Variants in CDH13 observed in about 807,000 individuals in gnomAD.
The protein encoded by CDH13 is cadherin 13.
In CDH13, 24 loss-of-function variants were observed where a neutral mutation model predicts 63.8. That is an observed-to-expected ratio of 0.38 (90% confidence interval 0.27 to 0.53). The LOEUF (loss-of-function observed/expected upper bound fraction) is 0.53, where lower values mean the gene tolerates loss of function less well. Among genes scored for constraint, CDH13 ranks in the 20% least tolerant of loss-of-function variants. CDH13 has a pLI of 0.85. For missense variants in CDH13, 1,049 were observed against 903.1 expected, an observed-to-expected ratio of 1.16 and a Z score of -2.07; for synonymous variants, 503 against 355.3, an observed-to-expected ratio of 1.42 and a Z score of -4.67.
chr16:83,506,426 A>C (rs985391359), intron 7 of CDH13, among the ~76,000 whole-genome samples: 2 of 152,168 alleles, frequency 1.3e-5, no homozygotes, highest in Non-Finnish European at 2.9e-5. Flanking sequence ...TCCTTTATGT[A>C]ACCTCCTTGA....
At chr16:82,748,421 A>T (rs952275356) in intron 1 of CDH13, among the ~76,000 whole-genome samples, 2 of 152,218 alleles carry the variant, frequency 1.3e-5, no homozygotes, top group African/African-American at 2.4e-5. Context: ...TTGACAGTCA[A>T]GATGGGCTAT....
intron 2 of CDH13, among the ~76,000 whole-genome samples, chr16:82,911,352 T>A (rs2151264297): frequency 6.6e-6 from 1 of 152,266 alleles, no homozygotes; most frequent in South Asian, 2.1e-4. Flanking sequence ...GCACTTCCTT[T>A]TCATCATGCC....
intron 1 of CDH13, among the ~76,000 whole-genome samples, chr16:82,856,914 A>T (rs925688131): frequency 1.3e-5 from 2 of 152,056 alleles, no homozygotes. Flanking sequence ...GGGTGAGGGA[A>T]TTGGGATATT....
intron 3 of CDH13, among the ~76,000 whole-genome samples, chr16:83,058,272 C>T (rs66489055): frequency 0.045 from 6,844 of 152,174 alleles, 206 homozygotes; most frequent in Middle Eastern, 0.078. Flanking sequence ...TGGGGAAAAA[C>T]TGGATTTCGC....
chr16:83,466,902 C>T (rs961500302), intron 6 of CDH13, among the ~76,000 whole-genome samples: 1 of 152,162 alleles, frequency 6.6e-6, no homozygotes, highest in Admixed American at 6.5e-5. Context: ...CCAAGCCAAG[C>T]CCAATTACTA....
chr16:83,575,572 C>T (rs1185057139), intron 7 of CDH13, among the ~76,000 whole-genome samples: 2 of 152,142 alleles, frequency 1.3e-5, no homozygotes, highest in Non-Finnish European at 2.9e-5. Flanking sequence ...TCACCCATGC[C>T]CATCCCAGGG....
intron 1 of CDH13, among the ~76,000 whole-genome samples, chr16:82,783,827 G>C (rs1308457176): frequency 1.3e-5 from 2 of 151,728 alleles, no homozygotes; most frequent in Non-Finnish European, 2.9e-5. Flanking sequence ...TCTGACAAGG[G>C]AATACTGGTA....
intron 7 of CDH13, among the ~76,000 whole-genome samples, chr16:83,566,273 A>C (rs1230065102): frequency 6.6e-6 from 1 of 152,172 alleles, no homozygotes; most frequent in Non-Finnish European, 1.5e-5. Context: ...CTGGGAAGGA[A>C]GGACTGTTCT....
At chr16:83,471,695 A>G (rs2073457991) in intron 6 of CDH13, among the ~76,000 whole-genome samples, 1 of 152,214 alleles carries the variant, frequency 6.6e-6, no homozygotes, top group African/African-American at 2.4e-5. Flanking sequence ...TGAAGTAGGC[A>G]GGATTTGATC....
At chr16:83,589,011 A>C (rs893689329) in intron 7 of CDH13, among the ~76,000 whole-genome samples, 2 of 152,188 alleles carry the variant, frequency 1.3e-5, no homozygotes, top group Non-Finnish European at 2.9e-5. Flanking sequence ...CAGCAGCACA[A>C]TATATTATCC....
At chr16:82,636,562 G>T (rs996657969) in intron 1 of CDH13, among the ~76,000 whole-genome samples, 1 of 152,204 alleles carries the variant, frequency 6.6e-6, no homozygotes, top group Non-Finnish European at 1.5e-5. Context: ...TGTCTTACAT[G>T]AAGCAAATAA....
chr16:83,682,846 G>C (rs947860894), intron 10 of CDH13, among the ~76,000 whole-genome samples: 9 of 152,160 alleles, frequency 5.9e-5, no homozygotes, highest in Non-Finnish European at 8.8e-5. Flanking sequence ...AGATCCTGCA[G>C]CAGGGCCTGC....
intron 5 of CDH13, among the ~76,000 whole-genome samples, chr16:83,262,346 C>T (rs1431878503): frequency 6.6e-6 from 1 of 152,080 alleles, no homozygotes; most frequent in Non-Finnish European, 1.5e-5. Context: ...TGTAGGGAGA[C>T]TCTGAGAGCC....
intron 6 of CDH13, among the ~76,000 whole-genome samples, chr16:83,386,968 C>A (rs1452067899): frequency 6.6e-6 from 1 of 152,148 alleles, no homozygotes; most frequent in African/African-American, 2.4e-5. Flanking sequence ...TCTTTAGCTC[C>A]CTGCTGCAAG....
intron 2 of CDH13, among the ~76,000 whole-genome samples, chr16:82,966,327 T>G (rs1323399053): frequency 7.4e-6 from 1 of 135,434 alleles, no homozygotes; most frequent in Non-Finnish European, 1.7e-5. Context: ...TTTTTTGTAT[T>G]TTTAGTAGAG....
chr16:83,106,687 G>A (rs536755874), intron 3 of CDH13, among the ~76,000 whole-genome samples: 2 of 152,262 alleles, frequency 1.3e-5, no homozygotes, highest in African/African-American at 4.8e-5. Flanking sequence ...AAGAAAACTT[G>A]GGAAGTATCA....
intron 5 of CDH13, among the ~76,000 whole-genome samples, chr16:83,338,860 G>T (rs1458272062): frequency 6.6e-6 from 1 of 152,188 alleles, no homozygotes; most frequent in Non-Finnish European, 1.5e-5. Context: ...TGAGGAAGTG[G>T]GCTGTGGCCA....
intron 2 of CDH13, among the ~76,000 whole-genome samples, chr16:83,024,595 T>G (rs1321733864): frequency 6.6e-6 from 1 of 152,152 alleles, no homozygotes; most frequent in Non-Finnish European, 1.5e-5. Flanking sequence ...TCACTAAGTC[T>G]CAGTTTCCAC....
intron 7 of CDH13, among the ~76,000 whole-genome samples, chr16:83,597,002 C>A (rs1013525958): frequency 6.6e-6 from 1 of 152,166 alleles, no homozygotes; most frequent in Non-Finnish European, 1.5e-5. Flanking sequence ...GTGGGAGGAT[C>A]ACTTGAGCCC....
Sources: allele counts gnomAD v4.1 joint callset (sites outside exome capture counted in the v4.1 genomes callset), GRCh38; gene constraint gnomAD v4.1.1; transcripts MANE v1.5; gene names NCBI Gene and HGNC (gene_info 2026-07-23, HGNC 2026-07-21).